The following HTR1F variants were observed in gnomAD, a reference collection of about 807,000 sequenced individuals.
HTR1F encodes the protein 5-hydroxytryptamine receptor 1F, also known as 5-hydroxytryptamine (serotonin) receptor 1F, G protein-coupled.
Under a neutral mutation model 24.0 loss-of-function variants are expected in HTR1F, and 17 were observed. That is an observed-to-expected ratio of 0.71 (90% CI 0.48 to 1.06). The LOEUF is 1.06. HTR1F is among the 50% of genes least tolerant of loss of function. The pLI, the probability that HTR1F is intolerant of heterozygous loss-of-function variation, is 0.00. For synonymous variants in HTR1F, 186 were observed against 156.8 expected (o/e 1.19, Z -1.39); for missense variants, 391 against 427.8 (o/e 0.91, Z 0.76).
At chr3:87,811,385 A>G (rs1372523670) in intron 1 of HTR1F, among the ~76,000 whole-genome samples, 1 of 152,198 alleles carries the variant, frequency 6.6e-6, no homozygotes, top group Non-Finnish European at 1.5e-5. Flanking sequence ...AGCAAAGAAG[A>G]TCTAGGAGTA....
chr3:87,987,119 A>AAAAAT (rs10548050), intron 2 of HTR1F, among the ~76,000 whole-genome samples: 10 of 150,966 alleles, frequency 6.6e-5, no homozygotes, highest in African/African-American at 9.8e-5. Context: ...AAAATAAAAT[A>AAAAAT]AAAATAAAAT....
intron 2 of HTR1F, among the ~76,000 whole-genome samples, chr3:87,977,776 G>T (rs1705430976): frequency 6.6e-6 from 1 of 152,126 alleles, no homozygotes. Context: ...ACACTATTAT[G>T]TGGGGGAGTC....
intron 2 of HTR1F, among the ~76,000 whole-genome samples, chr3:87,927,752 C>A (rs1460018445): frequency 6.6e-6 from 1 of 152,012 alleles, no homozygotes; most frequent in Admixed American, 6.6e-5. Context: ...CTTTTTCATG[C>A]CTACCTGTAC....
rs1704628390 is a variant in HTR1F, at chr3:87,943,761, T to C, written c.-42-46947T>C. 2.0e-5 allele frequency among the ~76,000 whole-genome samples: 3 copies of C among 152,368 alleles called. No individual in the cohort carries two copies. In the South Asian group the frequency reaches 6.2e-4, roughly 32 times the overall value. ...CTAGCTGTAAGATGGTGTTATAATT[T>C]ATACTTCCCTCAGGAGGCCGGGTTT... On this transcript the variant is annotated intron_variant, in intron 2 of 2. Transcript: ENST00000319595.
chr3:87,855,541 T>C (rs897748681), intron 2 of HTR1F, among the ~76,000 whole-genome samples: 8 of 152,178 alleles, frequency 5.3e-5, no homozygotes, highest in Admixed American at 6.6e-5. Flanking sequence ...TTGATATTGA[T>C]AGTGGGAGAA....
At chr3:87,883,294 C>T (rs745336530) in intron 2 of HTR1F, among the ~76,000 whole-genome samples, 4 of 152,026 alleles carry the variant, frequency 2.6e-5, no homozygotes, top group Non-Finnish European at 4.4e-5. Context: ...AAAAGGACAC[C>T]CACACTAAAA....
At chr3:87,817,946 G>A (rs1311109115) in intron 1 of HTR1F, among the ~76,000 whole-genome samples, 2 of 152,094 alleles carry the variant, frequency 1.3e-5, no homozygotes, top group East Asian at 3.9e-4. Context: ...GAATTGACAA[G>A]TACAAATTCT....
At chr3:87,852,439 T>C (rs1315290214) in intron 2 of HTR1F, among the ~76,000 whole-genome samples, 1 of 151,830 alleles carries the variant, frequency 6.6e-6, no homozygotes, top group Admixed American at 6.6e-5. Context: ...TTGCATATAA[T>C]ATGAAGTAGA....
At chr3:87,870,425 C>A (rs1312001497) in intron 2 of HTR1F, among the ~76,000 whole-genome samples, 2 of 152,090 alleles carry the variant, frequency 1.3e-5, no homozygotes, top group African/African-American at 4.8e-5. Context: ...TTAGAAGTTG[C>A]CATACCCCAG....
At chr3:87,868,718 C>A (rs569561790) in intron 2 of HTR1F, among the ~76,000 whole-genome samples, 2 of 151,948 alleles carry the variant, frequency 1.3e-5, no homozygotes, top group African/African-American at 4.8e-5. Flanking sequence ...GTCTATAATG[C>A]AAACAATGAT....
chr3:87,900,500 A>G (rs1279202973), intron 2 of HTR1F, among the ~76,000 whole-genome samples: 1 of 152,190 alleles, frequency 6.6e-6, no homozygotes, highest in Non-Finnish European at 1.5e-5. Flanking sequence ...GAGGGGCATG[A>G]TCTGACTTAC....
intron 2 of HTR1F, among the ~76,000 whole-genome samples, chr3:87,953,668 G>A (rs1704883192): frequency 1.3e-5 from 2 of 151,732 alleles, no homozygotes; most frequent in South Asian, 4.1e-4. Flanking sequence ...ATATAAGCTA[G>A]CAATCTCACT....
Position 87,809,000 on chromosome 3 carries a change from T to C in HTR1F, c.-159-13008T>C, listed in dbSNP as rs1704118694. Reference sequence around the variant, plus strand: ...ATTTTTAAAAGTTCATTGAGACTTGTTTTGGTTCCTAACATATTATTACAT... The same window carrying C: ...ATTTTTAAAAGTTCATTGAGACTTGCTTTGGTTCCTAACATATTATTACAT... On this transcript the variant is annotated intron_variant, in intron 1 of 2. Transcript: ENST00000319595. Among the ~76,000 whole-genome samples the C allele has an allele frequency of 2.6e-5, 4 of 151,804 alleles. No homozygotes were observed. In the South Asian group the frequency reaches 6.2e-4, roughly 24 times the overall value.
chr3:87,896,640 G>A (rs1314794757), intron 2 of HTR1F, among the ~76,000 whole-genome samples: 1 of 152,160 alleles, frequency 6.6e-6, no homozygotes, highest in Non-Finnish European at 1.5e-5. Context: ...GTGACCAATA[G>A]ATTGGGAAAA....
At chr3:87,807,014 C>T (rs1042319988) in intron 1 of HTR1F, among the ~76,000 whole-genome samples, 2 of 151,994 alleles carry the variant, frequency 1.3e-5, no homozygotes, top group Non-Finnish European at 2.9e-5. Flanking sequence ...CAGTACCATG[C>T]GATCTTAGTT....
rs776511263 is a variant in HTR1F, at chr3:87,991,025, G to C, written c.276G>C (p.Gly92=). The change falls in exon 3 of 3, where the codon GGG becomes GGC. Residue 92 remains glycine (G), a synonymous_variant. Coordinates refer to ENST00000319595, the MANE Select transcript of HTR1F (RefSeq NM_001322209.2). Reference sequence around the variant, plus strand: ...TTGTGAGAGAGAGCTGGATTATGGGGCAAGTGGTCTGTGACATTTGGCTGA... The same window carrying C: ...TTGTGAGAGAGAGCTGGATTATGGGCCAAGTGGTCTGTGACATTTGGCTGA... The part of the protein sequence containing the change: ...VYIVRESWIM[G]QVVCDIWLSV... The C allele has an allele frequency of 6.2e-7, 1 of 1,614,110 alleles. No individual in the cohort carries two copies. The highest frequency in any genetic ancestry group is 1.1e-5 in the South Asian group (1 of 91,084).
chr3:87,897,752 G>C (rs1559623061), intron 2 of HTR1F, among the ~76,000 whole-genome samples: 1 of 151,890 alleles, frequency 6.6e-6, no homozygotes, highest in Non-Finnish European at 1.5e-5. Context: ...CACTTTTCAT[G>C]TTCTTTCACA....
At chr3:87,820,315 T>C (rs1462590148) in intron 1 of HTR1F, among the ~76,000 whole-genome samples, 2 of 150,642 alleles carry the variant, frequency 1.3e-5, no homozygotes, top group Non-Finnish European at 3.0e-5. Flanking sequence ...TAGCTGGGAC[T>C]ACAGGCGCCC....
At chr3:87,796,460 T>C (rs1703907338) in intron 1 of HTR1F, among the ~76,000 whole-genome samples, 1 of 152,084 alleles carries the variant, frequency 6.6e-6, no homozygotes, top group South Asian at 2.1e-4. Flanking sequence ...ATTATATAAA[T>C]GGCATTTAGA....
Sources: gnomAD v4.1 joint callset for allele counts (sites outside exome capture counted in the v4.1 genomes callset) on GRCh38, gnomAD v4.1.1 for gene constraint, MANE v1.5 for transcripts, NCBI Gene and HGNC (gene_info 2026-07-23, HGNC 2026-07-21) for gene names.